ERGIC1: variants seen among roughly 807,000 people sequenced by gnomAD.
ERGIC1 encodes endoplasmic reticulum-golgi intermediate compartment 1.
In ERGIC1, 19 loss-of-function variants were observed where a neutral mutation model predicts 38.3. The observed-to-expected ratio is 0.50, with a 90% CI of 0.35 to 0.73. The LOEUF (loss-of-function observed/expected upper bound fraction) is 0.73. ERGIC1 is among the 30% of genes least tolerant of loss of function. ERGIC1 has a pLI of 0.01. For missense variants in ERGIC1, 294 were observed against 389.2 expected, an observed-to-expected ratio of 0.76 and a Z score of 2.06; for synonymous variants, 124 against 157.6, an observed-to-expected ratio of 0.79 and a Z score of 1.60.
rs931224848 is a variant in ERGIC1 at position 172,837,694 on chromosome 5, T to G, written c.20+3261T>G. 2.0e-5 allele frequency among the ~76,000 whole-genome samples: 3 copies of G among 152,222 alleles called. No homozygotes were observed. The East Asian group carries it at 5.8e-4, about 29-fold the overall frequency. Reference sequence around the variant, plus strand: ...TGAATCTGCCGTTCCTAGGTTGTTTTTGGGGTTAAGGAAGGAGGCAGAACG... The same window carrying G: ...TGAATCTGCCGTTCCTAGGTTGTTTGTGGGGTTAAGGAAGGAGGCAGAACG... On this transcript the variant is annotated intron_variant, in intron 1 of 9. Coordinates refer to ENST00000393784, the MANE Select transcript of ERGIC1 (RefSeq NM_001031711.3). The surrounding 1 kb of genome is among the most constrained non-coding windows in gnomAD (Gnocchi z 4.3).
intron 1 of ERGIC1, among the ~76,000 whole-genome samples, chr5:172,865,866 ACATATAGAAT>A (rs1358463816): frequency 3.9e-5 from 6 of 152,150 alleles, no homozygotes; most frequent in African/African-American, 9.7e-5. Context: ...ACTATTTTGG[ACATATAGAAT>A]CATATAGAAT....
At chr5:172,932,367 G>T in intron 7 of ERGIC1, 69 bp from the exon 8 acceptor site, 1 of 1,527,100 alleles carries the variant, frequency 6.5e-7, no homozygotes, top group South Asian at 1.1e-5. Context: ...GCTTAGGATT[G>T]AAATGACATA....
intron 7 of ERGIC1, among the ~76,000 whole-genome samples, chr5:172,929,531 C>T (rs1181621860): frequency 6.6e-6 from 1 of 151,956 alleles, no homozygotes; most frequent in Admixed American, 6.6e-5. Context: ...TATCAAAGGC[C>T]TTAAAAATGG....
intron 1 of ERGIC1, among the ~76,000 whole-genome samples, chr5:172,872,896 T>C (rs1378677318): frequency 1.3e-5 from 2 of 152,044 alleles, no homozygotes; most frequent in African/African-American, 4.8e-5. Flanking sequence ...ATTGGGCAGG[T>C]GGAGGTCAAG....
intron 9 of ERGIC1, among the ~76,000 whole-genome samples, chr5:172,939,285 A>C (rs918533614): frequency 4.6e-5 from 7 of 152,200 alleles, no homozygotes; most frequent in African/African-American, 1.7e-4. Context: ...GATGTGCGCC[A>C]GACACTGCAG....
chr5:172,874,524 A>G (rs1163049808), intron 1 of ERGIC1, among the ~76,000 whole-genome samples: 1 of 152,172 alleles, frequency 6.6e-6, no homozygotes, highest in East Asian at 1.9e-4. Context: ...GGCCCTGGTG[A>G]TGTAGACAGA....
At chr5:172,857,557 T>C (rs1029876288) in intron 1 of ERGIC1, among the ~76,000 whole-genome samples, 8 of 151,520 alleles carry the variant, frequency 5.3e-5, no homozygotes, top group Admixed American at 2.0e-4. Context: ...GGACTCAGTT[T>C]CCTCACCTGT....
At position 172,926,850 on chromosome 5, in the gene ERGIC1, C is replaced by T; in HGVS notation, c.541+281C>T. On this transcript the variant is annotated intron_variant, in intron 7 of 9. Transcript: ENST00000393784. The surrounding 1 kb of genome is among the most constrained non-coding windows in gnomAD (Gnocchi z 5.2). ...ACCATTATTGTTGCTCTCATCACAG[C>T]CACATCATCATCCTTAGTTGAACTA... is the stretch of plus-strand genomic sequence containing the variant. 2.2e-6 allele frequency: 1 copy of T among 455,564 alleles called. No individual in the cohort carries two copies. The highest frequency in any genetic ancestry group is 4.0e-6 in the Non-Finnish European group (1 of 247,632). The allele number at this position is 455,564 out of a possible 1,614,324, so 28.2% of individuals were successfully genotyped here.
chr5:172,853,551 T>C (rs1421555005), intron 1 of ERGIC1, among the ~76,000 whole-genome samples: 1 of 152,058 alleles, frequency 6.6e-6, no homozygotes, highest in African/African-American at 2.4e-5. Context: ...ACAGAGTCAG[T>C]CTGCGCAACT....
chr5:172,931,562 T>C (rs1334348724), intron 7 of ERGIC1, among the ~76,000 whole-genome samples: 1 of 152,220 alleles, frequency 6.6e-6, no homozygotes, highest in Non-Finnish European at 1.5e-5. Flanking sequence ...GGTGCAGTTT[T>C]TCTGGTTGAT....
At chr5:172,939,275 G>A (rs1295711894) in intron 9 of ERGIC1, among the ~76,000 whole-genome samples, 1 of 152,318 alleles carries the variant, frequency 6.6e-6, no homozygotes, top group East Asian at 1.9e-4. Flanking sequence ...CTCTAGTGGA[G>A]ATGTGCGCCA....
At position 172,936,164 on chromosome 5, in the gene ERGIC1, G is replaced by A. The variant is rs139156137; in HGVS notation, c.765+854G>A. 17 of 152,298 alleles carry A rather than the reference G, an allele frequency of 1.1e-4. No individual in the cohort carries two copies. The East Asian group carries it at 1.9e-3, about 17-fold the overall frequency. 9.4% of individuals were successfully genotyped at this position (152,298 alleles called of 1,614,324 possible). A position where few individuals can be genotyped will look rare whatever the true frequency, so the allele number is the denominator to read the frequency against. ...CAGTATTAGTCAGGACTCTGTTACC[G>A]AAGATCCAGAACCAGACCTTGAGCT... On this transcript the variant is annotated intron_variant, in intron 9 of 9. Coordinates refer to ENST00000393784, the MANE Select transcript of ERGIC1 (RefSeq NM_001031711.3).
chr5:172,905,416 T>G (rs1427436628), intron 3 of ERGIC1: 3 of 466,046 alleles, frequency 6.4e-6, no homozygotes, highest in African/African-American at 6.0e-5. Context: ...GGGTCTTTGT[T>G]CTTAGACCTG....
chr5:172,890,562 T>C (rs1418248282), intron 2 of ERGIC1, among the ~76,000 whole-genome samples: 2 of 152,214 alleles, frequency 1.3e-5, no homozygotes, highest in African/African-American at 2.4e-5. Flanking sequence ...GCATCTATGA[T>C]TATTCTACAG....
intron 1 of ERGIC1, among the ~76,000 whole-genome samples, chr5:172,877,909 A>G (rs1762186564): frequency 6.6e-6 from 1 of 152,202 alleles, no homozygotes; most frequent in African/African-American, 2.4e-5. Context: ...CAAGAGTGGA[A>G]GACCCTGCAG....
At position 172,915,850 on chromosome 5, in the gene ERGIC1, C is replaced by T. The variant is rs113997121; in HGVS notation, c.375+1012C>T. 2,696 of 326,624 alleles carry T rather than the reference C, an allele frequency of 8.3e-3. 18 individuals are homozygous for T. The highest frequency in any genetic ancestry group is 0.011 in the Middle Eastern group (10 of 872). 20.2% of individuals were successfully genotyped at this position (326,624 alleles called of 1,614,324 possible). A position where few individuals can be genotyped will look rare whatever the true frequency, so the allele number is the denominator to read the frequency against. On this transcript the variant is annotated intron_variant, in intron 5 of 9. Coordinates refer to ENST00000393784, the MANE Select transcript of ERGIC1 (RefSeq NM_001031711.3). ...TGCAGCCTCTGCTCAGAACGCCCTT[C>T]CTCCAGACCCTGACACCTGAGCTGG...
intron 3 of ERGIC1, chr5:172,905,975 G>C (rs551564887): frequency 2.3e-6 from 1 of 444,374 alleles, no homozygotes; most frequent in African/African-American, 2.0e-5. Context: ...GATTGGTCAG[G>C]TGTGAGCTGA....
chr5:172,834,585 C>CG lies in ERGIC1; in HGVS notation c.20+152_20+153insG, dbSNP rs902583462. On this transcript the variant is annotated intron_variant, in intron 1 of 9. Coordinates refer to ENST00000393784, the MANE Select transcript of ERGIC1 (RefSeq NM_001031711.3). The surrounding 1 kb of genome is among the most constrained non-coding windows in gnomAD (Gnocchi z 4.1). The stretch of plus-strand genomic sequence containing the variant: ...CCCCTAGGGACCCCAGGCGAGCCCC[C>CG]CCCCTGCCGCACACGAAGCCAGCCA... 2.7e-5 allele frequency: 19 copies of CG among 710,520 alleles called. No homozygotes were observed. Among genetic ancestry groups the CG allele is most frequent in the Middle Eastern group, 4.6e-4 (1 of 2,152 alleles). The allele number at this position is 710,520 out of a possible 1,614,324, so 44.0% of individuals were successfully genotyped here.
At chr5:172,870,883 A>G (rs1475527363) in intron 1 of ERGIC1, among the ~76,000 whole-genome samples, 1 of 152,212 alleles carries the variant, frequency 6.6e-6, no homozygotes, top group African/African-American at 2.4e-5. Flanking sequence ...GGCTCAGGAA[A>G]GACTCACAGT....
Sources: allele counts gnomAD v4.1 joint callset (sites outside exome capture counted in the v4.1 genomes callset), GRCh38; gene constraint gnomAD v4.1.1; non-coding constraint Gnocchi (gnomAD v3.1); transcripts MANE v1.5; gene names NCBI Gene and HGNC (gene_info 2026-07-23, HGNC 2026-07-21).